CPEB2: variants seen among roughly 807,000 people sequenced by gnomAD.
The protein encoded by CPEB2 is cytoplasmic polyadenylation element-binding protein 2.
Under a neutral mutation model 93.6 loss-of-function variants are expected in CPEB2, and 56 were observed. The ratio of observed to expected loss-of-function variants is 0.60; its 90% CI spans 0.48 to 0.75. CPEB2 has a LOEUF of 0.75. CPEB2 is among the 30% of genes least tolerant of loss of function. The pLI, the probability that CPEB2 is intolerant of heterozygous loss-of-function variation, is 0.00. For synonymous variants in CPEB2, 764 were observed against 586.3 expected, an observed-to-expected ratio of 1.30 and a Z score of -4.38; for missense variants, 1,579 against 1,395.1, an observed-to-expected ratio of 1.13 and a Z score of -2.10.
chr4:15,018,411 A>G (rs1221646170), intron 4 of CPEB2, among the ~76,000 whole-genome samples: 1 of 151,282 alleles, frequency 6.6e-6, no homozygotes, highest in Non-Finnish European at 1.5e-5. Context: ...ATTGTTGATT[A>G]TGTGTGCTAA....
At chr4:15,026,616 A>G (rs1725506774) in intron 4 of CPEB2, among the ~76,000 whole-genome samples, 1 of 152,206 alleles carries the variant, frequency 6.6e-6, no homozygotes, top group African/African-American at 2.4e-5. Context: ...TTTACCTTGA[A>G]TCAGCATCTA....
intron 8 of CPEB2, among the ~76,000 whole-genome samples, chr4:15,054,974 T>G (rs1728579404): frequency 6.6e-6 from 1 of 152,210 alleles, no homozygotes; most frequent in Non-Finnish European, 1.5e-5. Context: ...CTATTCAGTT[T>G]CATGACTTAG....
In CPEB2 at chr4:15,034,603, T is replaced by C. The variant is rs78501057; in HGVS notation, c.2176+1392T>C. On this transcript the variant is annotated intron_variant, in intron 5 of 11. Coordinates refer to ENST00000538197, the MANE Select transcript of CPEB2 (RefSeq NM_001177382.2). ...AAATTCTGAACTTTTTCTGGCAAGGTACTAGCGGGGAGAAAAAGATAATGA... is the reference window on the plus strand; with the variant it reads ...AAATTCTGAACTTTTTCTGGCAAGGCACTAGCGGGGAGAAAAAGATAATGA... Among the ~76,000 whole-genome samples the C allele has an allele frequency of 8.0e-3, 1,224 of 152,280 alleles. 14 individuals carry two copies. The highest frequency in any genetic ancestry group is 0.026 in the African/African-American group (1,083 of 41,558).
At chr4:15,054,342 T>C in intron 8 of CPEB2, 125 bp downstream of exon 8, 1 of 703,714 alleles carries the variant, frequency 1.4e-6, no homozygotes, top group South Asian at 1.7e-5. Flanking sequence ...TTTCATAGAC[T>C]CAGATCAACA....
rs372993975 is a variant in CPEB2 at position 15,007,614 on chromosome 4, C to T, written c.1944+28C>T. 4.5e-5 allele frequency: 63 copies of T among 1,388,462 alleles called. No individual in the cohort carries two copies. In the African/African-American group the frequency reaches 6.5e-4, roughly 14 times the overall value. The allele number at this position is 1,388,462 out of a possible 1,614,324, so 86.0% of individuals were successfully genotyped here. A position where few individuals can be genotyped will look rare whatever the true frequency, so the allele number is the denominator to read the frequency against. On this transcript the variant is annotated intron_variant, in intron 2 of 11. Transcript: ENST00000538197. ...AAGAATGGTATGTAAATGACCTTAT[C>T]TCTAATGTTAATCTTTCAAAATAGG...
In CPEB2 at chr4:15,066,140, C is replaced by G; in HGVS notation, c.2878-13C>G. The G allele has an allele frequency of 1.2e-6, 2 of 1,602,940 alleles. No homozygotes were observed. The highest frequency in any genetic ancestry group is 2.2e-5 in the South Asian group (2 of 90,852). ...GCAGACCCTAATGAGACTTAACTTTCTTTTTTTTCAAGGTGGAGGTAAAGC... is the reference window on the plus strand; with the variant it reads ...GCAGACCCTAATGAGACTTAACTTTGTTTTTTTTCAAGGTGGAGGTAAAGC... On this transcript the variant is annotated splice_polypyrimidine_tract_variant and intron_variant, in intron 11 of 11. Coordinates refer to ENST00000538197, the MANE Select transcript of CPEB2 (RefSeq NM_001177382.2).
At chr4:15,021,051 A>C (rs1233098641) in intron 4 of CPEB2, among the ~76,000 whole-genome samples, 1 of 152,134 alleles carries the variant, frequency 6.6e-6, no homozygotes, top group Non-Finnish European at 1.5e-5. Flanking sequence ...AACTGAAAGG[A>C]GGCTAGCCCT....
chr4:15,017,302 T>C (rs777662929), intron 4 of CPEB2, 24 bp downstream of exon 4: 27 of 1,262,306 alleles, frequency 2.1e-5, no homozygotes, highest in Admixed American at 1.2e-4. Flanking sequence ...TAAAAAAATA[T>C]ATGTTTATAT....
intron 10 of CPEB2, 114 bp from the exon 11 acceptor site, chr4:15,061,965 A>G: frequency 2.0e-6 from 2 of 984,420 alleles, no homozygotes; most frequent in Non-Finnish European, 1.5e-6. Flanking sequence ...CTGCCATTCT[A>G]CTCCTGGTCA....
In CPEB2 at chr4:15,003,890, C is replaced by A; in HGVS notation, c.1217C>A (p.Pro406Gln). 7 of 883,554 alleles carry A rather than the reference C, an allele frequency of 7.9e-6. No homozygotes were observed. Among genetic ancestry groups the A allele is most frequent in the Non-Finnish European group, 1.0e-5 (7 of 671,298 alleles). 54.7% of individuals were successfully genotyped at this position (883,554 alleles called of 1,614,324 possible). A position where few individuals can be genotyped will look rare whatever the true frequency, so the allele number is the denominator to read the frequency against. Residue 406 changes from proline to glutamine, a missense_variant, in exon 1 of 12, where the codon CCG becomes CAG. By Grantham distance (76) the Pro-to-Gln change is moderately conservative. This residue lies in a region of CPEB2 where 1,411 missense variants were observed against 1,056.0 expected (regional missense o/e 1.34). Transcript: ENST00000538197. Reference protein sequence around the residue: ...QPPPTQPQQQPPPPQQPPQPQ... With the variant: ...QPPPTQPQQQQPPPQQPPQPQ... ...CCGCCGACCCAGCCGCAGCAGCAGC[C>A]GCCGCCACCCCAGCAGCCGCCCCAG...
At chr4:15,045,299 A>G (rs574118339) in intron 6 of CPEB2, among the ~76,000 whole-genome samples, 1 of 152,272 alleles carries the variant, frequency 6.6e-6, no homozygotes, top group African/African-American at 2.4e-5. Context: ...TTCTATTACA[A>G]AACTTCAATT....
Position 15,066,553 on chromosome 4 carries a change from CA to C in CPEB2, c.*177del, listed in dbSNP as rs1482478761. 1.8e-6 allele frequency: 1 copy of C among 558,604 alleles called. No individual in the cohort carries two copies. The highest frequency in any genetic ancestry group is 3.2e-6 in the Non-Finnish European group (1 of 314,908). 34.6% of individuals were successfully genotyped at this position (558,604 alleles called of 1,614,324 possible). On this transcript the variant is annotated 3_prime_UTR_variant, in exon 12 of 12. Transcript: ENST00000538197. ...ACACTACAAGCCTCTTGTTTTTCACCAAAACCCTACATCTCAGGCTTACTAA... is the reference window on the plus strand; with the variant it reads ...ACACTACAAGCCTCTTGTTTTTCACCAAACCCTACATCTCAGGCTTACTAA...
In CPEB2 at chr4:15,002,786, C is replaced by G. The variant is rs1258718010; in HGVS notation, c.113C>G (p.Pro38Arg). The G allele has an allele frequency of 4.6e-6, 7 of 1,535,444 alleles. No homozygotes were observed. Among genetic ancestry groups the G allele is most frequent in the Non-Finnish European group, 6.1e-6 (7 of 1,146,668 alleles). The stretch of plus-strand genomic sequence containing the variant: ...CCTTACGCCGTGGGGTCCGTCAACC[C>G]GCTGCCCTCCGCCACGCCCTTCGGC... ...YGPYAVGSVN[P>R]LPSATPFGPL... Residue 38 changes from proline (P) to arginine (R), a missense_variant, in exon 1 of 12, where the codon CCG becomes CGG. Transcript: ENST00000538197.
intron 3 of CPEB2, among the ~76,000 whole-genome samples, chr4:15,009,059 T>C (rs2108959286): frequency 6.6e-6 from 1 of 152,320 alleles, no homozygotes; most frequent in East Asian, 1.9e-4. Context: ...AAATGCTATC[T>C]TTCTTCCTGC....
chr4:15,005,388 T>C (rs1722688158), intron 1 of CPEB2, among the ~76,000 whole-genome samples: 1 of 152,234 alleles, frequency 6.6e-6, no homozygotes, highest in Admixed American at 6.5e-5. Context: ...TAGGTAATAT[T>C]GTGAAATGAC....
chr4:15,064,907 ACT>A (rs1729559066), intron 11 of CPEB2, among the ~76,000 whole-genome samples: 2 of 152,028 alleles, frequency 1.3e-5, no homozygotes, highest in South Asian at 4.1e-4. Context: ...AAGGTTAAAA[ACT>A]CTTAACTGAC....
At chr4:15,039,245 A>G (rs1037715259) in intron 5 of CPEB2, among the ~76,000 whole-genome samples, 4 of 152,186 alleles carry the variant, frequency 2.6e-5, no homozygotes, top group African/African-American at 9.6e-5. Context: ...TAGAATTTAA[A>G]TGACTGAGAG....
chr4:15,059,065 C>A, intron 9 of CPEB2, 122 bp from the exon 10 acceptor site: 4 of 529,234 alleles, frequency 7.6e-6, no homozygotes, highest in Non-Finnish European at 1.0e-5. Context: ...TAATTTGTTT[C>A]CAGATCCCAC....
chr4:15,044,109 G>A (rs1399721392), intron 6 of CPEB2, among the ~76,000 whole-genome samples: 2 of 152,220 alleles, frequency 1.3e-5, no homozygotes, highest in East Asian at 3.9e-4. Flanking sequence ...GTGAGAGAGT[G>A]GGCAAGATCT....
Sources: allele counts gnomAD v4.1 joint callset (sites outside exome capture counted in the v4.1 genomes callset), GRCh38; gene constraint gnomAD v4.1.1; regional missense constraint gnomAD v4.1.1; transcripts MANE v1.5; gene names NCBI Gene and HGNC (gene_info 2026-07-23, HGNC 2026-07-21).